LMTK2: variants seen among roughly 807,000 people sequenced by gnomAD.
LMTK2 encodes the protein serine/threonine-protein kinase LMTK2.
Under a neutral mutation model 127.5 loss-of-function variants are expected in LMTK2, and 37 were observed. The observed-to-expected ratio is 0.29, with a 90% CI of 0.22 to 0.38. The LOEUF (loss-of-function observed/expected upper bound fraction) is 0.38. LMTK2 is among the 10% of genes least tolerant of loss of function. The pLI is 1.00. For synonymous variants in LMTK2, 819 were observed against 810.1 expected (o/e 1.01, Z -0.19); for missense variants, 1,694 against 1,920.3 (o/e 0.88, Z 2.20).
In LMTK2 at chr7:98,191,894, G is replaced by C. The variant is rs747105663; in HGVS notation, c.1429G>C (p.Val477Leu). ...CAGCCAGGGCCTGAGCTTCGAGTAT[G>C]TCTGGGAGGCCGCTAAGCACGACCA... Reference protein sequence around the residue: ...ETSQGLSFEYVWEAAKHDHFD... With the variant: ...ETSQGLSFEYLWEAAKHDHFD... The change falls in exon 11 of 14, where the codon GTC (valine) becomes CTC (leucine). Residue 477 changes from valine to leucine, a missense_variant. Val to Leu is a conservative substitution (Grantham distance 32). Around this residue, in one of 8 missense-constraint regions of LMTK2, gnomAD observed 216 missense variants for 266.8 expected, o/e 0.81. Transcript: ENST00000297293. 6.2e-7 allele frequency: 1 copy of C among 1,614,090 alleles called. No homozygotes were observed. The highest frequency in any genetic ancestry group is 1.3e-5 in the African/African-American group (1 of 74,942).
At chr7:98,160,586 T>C in intron 6 of LMTK2, among the ~76,000 whole-genome samples, 1 of 152,090 alleles carries the variant, frequency 6.6e-6, no homozygotes, top group East Asian at 1.9e-4. Flanking sequence ...TGTATTCTGA[T>C]GTTGTTCCTT....
In LMTK2 at chr7:98,150,607, ATGTC is replaced by A. The variant is rs1471481000; in HGVS notation, c.377-770_377-767del. ...TAGCCTCAACCTGTAAATGACATGA[ATGTC>A]TGTCCACTTGTGAATAAGCAAGCAA... On this transcript the variant is annotated intron_variant, in intron 3 of 13. Transcript: ENST00000297293. 2.6e-5 allele frequency among the ~76,000 whole-genome samples: 4 copies of A among 152,354 alleles called. No individual in the cohort carries two copies. The East Asian group carries it at 5.8e-4, about 22-fold the overall frequency.
At chr7:98,128,369 A>T (rs1268416284) in intron 1 of LMTK2, among the ~76,000 whole-genome samples, 1 of 152,096 alleles carries the variant, frequency 6.6e-6, no homozygotes, top group Non-Finnish European at 1.5e-5. Flanking sequence ...AGGGATGCAC[A>T]CGGAAGAAAG....
At chr7:98,162,947 T>G (rs1226031260) in intron 6 of LMTK2, among the ~76,000 whole-genome samples, 1 of 152,142 alleles carries the variant, frequency 6.6e-6, no homozygotes, top group African/African-American at 2.4e-5. Context: ...TGGAGGATTG[T>G]TAAAAGGAAG....
intron 1 of LMTK2, among the ~76,000 whole-genome samples, chr7:98,107,611 A>G (rs1312889730): frequency 2.0e-5 from 3 of 152,062 alleles, no homozygotes; most frequent in East Asian, 3.9e-4. Context: ...CCCTTTCCAG[A>G]TGTCACCTGC....
At chr7:98,161,288 C>T (rs1797012921) in intron 6 of LMTK2, among the ~76,000 whole-genome samples, 1 of 152,072 alleles carries the variant, frequency 6.6e-6, no homozygotes, top group Non-Finnish European at 1.5e-5. Context: ...CATTTTTTAA[C>T]CTAACAAAGT....
chr7:98,161,941 G>T (rs927649266), intron 6 of LMTK2, among the ~76,000 whole-genome samples: 3 of 152,206 alleles, frequency 2.0e-5, no homozygotes, highest in African/African-American at 7.2e-5. Flanking sequence ...GCCGGAGGCA[G>T]CATCTATTTG....
chr7:98,133,440 C>T lies in LMTK2; in HGVS notation c.104-3875C>T, dbSNP rs144514861. ...TTCCTCTCTGTGGTTTCTGCAAACC[C>T]ATCTCACCTTCCAGCCTATGTTTGA... On this transcript the variant is annotated intron_variant, in intron 1 of 13. Coordinates refer to ENST00000297293, the MANE Select transcript of LMTK2 (RefSeq NM_014916.4). Among the ~76,000 whole-genome samples, 23 of 151,770 alleles carry T rather than the reference C, an allele frequency of 1.5e-4. No homozygotes were observed. In the Middle Eastern group the frequency reaches 0.021, roughly 137 times the overall value.
intron 5 of LMTK2, 37 bp downstream of exon 5, chr7:98,154,913 C>A: frequency 8.3e-7 from 1 of 1,207,990 alleles, no homozygotes; most frequent in South Asian, 1.2e-5. Flanking sequence ...TAAGACTAGT[C>A]TGTGGTCTGT....
intron 6 of LMTK2, among the ~76,000 whole-genome samples, chr7:98,166,300 C>T (rs1003614503): frequency 1.3e-5 from 2 of 152,268 alleles, no homozygotes; most frequent in Non-Finnish European, 2.9e-5. Context: ...AGCGCTGGAG[C>T]CACACGGAGT....
intron 1 of LMTK2, among the ~76,000 whole-genome samples, chr7:98,109,389 G>A (rs1584237119): frequency 6.6e-6 from 1 of 152,030 alleles, no homozygotes; most frequent in African/African-American, 2.4e-5. Context: ...TAGGATAGGT[G>A]TATATGTTTT....
intron 1 of LMTK2, among the ~76,000 whole-genome samples, chr7:98,110,890 T>C (rs1263105879): frequency 6.6e-6 from 1 of 152,240 alleles, no homozygotes; most frequent in Non-Finnish European, 1.5e-5. Flanking sequence ...GCCTCTCGTT[T>C]TAGATTAAAC....
chr7:98,124,047 C>T (rs1456332029), intron 1 of LMTK2, among the ~76,000 whole-genome samples: 9 of 152,060 alleles, frequency 5.9e-5, no homozygotes, highest in African/African-American at 1.2e-4. Flanking sequence ...TTGTCTGTTT[C>T]CCTCAGGTTC....
intron 1 of LMTK2, chr7:98,126,500 A>T (rs1796446701): frequency 6.6e-6 from 1 of 152,256 alleles, no homozygotes; most frequent in South Asian, 2.1e-4. Context: ...CAGCTCTGCC[A>T]GCAACTTAAC....
chr7:98,156,163 T>C (rs1193504384), intron 5 of LMTK2, among the ~76,000 whole-genome samples: 6 of 152,304 alleles, frequency 3.9e-5, no homozygotes, highest in Non-Finnish European at 7.4e-5. Context: ...GATCCCTTCA[T>C]ACCTATTAGA....
intron 1 of LMTK2, among the ~76,000 whole-genome samples, chr7:98,107,526 G>A (rs911925834): frequency 1.6e-4 from 25 of 152,334 alleles, no homozygotes. Context: ...CCCCTCCCGG[G>A]ATAGGCTGCG....
intron 3 of LMTK2, among the ~76,000 whole-genome samples, chr7:98,146,495 G>T (rs570227606): frequency 1.3e-4 from 19 of 150,832 alleles, no homozygotes; most frequent in Admixed American, 1.2e-3. Flanking sequence ...TTTTTTTTTT[G>T]ATGTACCATT....
rs1293062129 is a variant in LMTK2, at chr7:98,122,722, GTGTGTATATATA to G, written c.104-14591_104-14580del. Among the ~76,000 whole-genome samples, 18 of 86,746 alleles carry G rather than the reference GTGTGTATATATA, an allele frequency of 2.1e-4. 1 individual carries two copies. In the South Asian group the frequency reaches 7.5e-3, roughly 36 times the overall value. The allele number at this position is 86,746 out of a possible 152,430, so 56.9% of individuals were successfully genotyped here. A position where few individuals can be genotyped will look rare whatever the true frequency, so the allele number is the denominator to read the frequency against. On this transcript the variant is annotated intron_variant, in intron 1 of 13. Transcript: ENST00000297293. ...TGTGTGTGTGTGTGTGTGTGTGTGT[GTGTGTATATATA>G]TAACTGGATCTCACTCTGTCCCCTA...
At chr7:98,113,269 A>C (rs1185329747) in intron 1 of LMTK2, among the ~76,000 whole-genome samples, 3 of 151,924 alleles carry the variant, frequency 2.0e-5, no homozygotes, top group African/African-American at 7.3e-5. Context: ...TTTGCTTGGC[A>C]CTTCTCTCTC....
Sources: allele counts gnomAD v4.1 joint callset (sites outside exome capture counted in the v4.1 genomes callset), GRCh38; gene constraint gnomAD v4.1.1; regional missense constraint gnomAD v4.1.1; transcripts MANE v1.5; gene names NCBI Gene and HGNC (gene_info 2026-07-23, HGNC 2026-07-21).